COMMD1: variants seen among roughly 807,000 people sequenced by gnomAD.
The protein encoded by COMMD1 is COMM domain-containing protein 1.
Under a neutral mutation model 17.2 loss-of-function variants are expected in COMMD1, and 10 were observed. The observed-to-expected ratio is 0.58, with a 90% CI of 0.36 to 0.99. The LOEUF is 0.99. Ranked by LOEUF, COMMD1 falls within the 50% of genes least tolerant of loss-of-function variation. The probability of loss-of-function intolerance (pLI) is 0.01; values close to 1 mark genes in which losing one functional copy is unlikely to be tolerated. For missense variants in COMMD1, 270 were observed against 231.8 expected (o/e 1.17, Z -1.07); for synonymous variants, 97 against 91.6 (o/e 1.06, Z -0.34).
intron 2 of COMMD1, among the ~76,000 whole-genome samples, chr2:62,093,939 C>T (rs561352076): frequency 6.6e-6 from 1 of 152,332 alleles, no homozygotes. Context: ...ATTCAGCCAT[C>T]TGGGCTGGTT....
At chr2:61,993,912 G>A (rs1668671035) in intron 1 of COMMD1, among the ~76,000 whole-genome samples, 1 of 152,104 alleles carries the variant, frequency 6.6e-6, no homozygotes, top group African/African-American at 2.4e-5. Context: ...TGTGAAGCAA[G>A]GTGTCAGTGG....
At chr2:62,068,104 G>T (rs1438925192) in intron 2 of COMMD1, among the ~76,000 whole-genome samples, 1 of 152,104 alleles carries the variant, frequency 6.6e-6, no homozygotes, top group Non-Finnish European at 1.5e-5. Context: ...AAATACCTAG[G>T]TCACTATAAT....
intron 1 of COMMD1, among the ~76,000 whole-genome samples, chr2:61,953,167 G>A (rs1671101992): frequency 6.6e-6 from 1 of 151,566 alleles, no homozygotes; most frequent in South Asian, 2.1e-4. Flanking sequence ...GTGCCACCAT[G>A]CCTAGCTAAG....
At chr2:62,075,804 C>G (rs1671323996) in intron 2 of COMMD1, among the ~76,000 whole-genome samples, 1 of 152,202 alleles carries the variant, frequency 6.6e-6, no homozygotes, top group South Asian at 2.1e-4. Flanking sequence ...TCAATAAATG[C>G]TAACTGACAT....
chr2:62,024,149 C>G (rs555622125), intron 2 of COMMD1, among the ~76,000 whole-genome samples: 223 of 152,062 alleles, frequency 1.5e-3, no homozygotes, highest in Non-Finnish European at 2.2e-3. Flanking sequence ...GGAAAAAGTA[C>G]CAAAAGAAAA....
chr2:62,073,106 A>G (rs1408622496), intron 2 of COMMD1, among the ~76,000 whole-genome samples: 1 of 152,234 alleles, frequency 6.6e-6, no homozygotes, highest in African/African-American at 2.4e-5. Flanking sequence ...ACCCAGCAGC[A>G]CAGACAGGAA....
At chr2:62,083,395 C>T (rs1289711432) in intron 2 of COMMD1, among the ~76,000 whole-genome samples, 1 of 152,166 alleles carries the variant, frequency 6.6e-6, no homozygotes, top group Non-Finnish European at 1.5e-5. Flanking sequence ...ATGAATGAGC[C>T]TCTCTATATT....
At chr2:62,051,807 T>C (rs538893320) in intron 2 of COMMD1, among the ~76,000 whole-genome samples, 1 of 152,356 alleles carries the variant, frequency 6.6e-6, no homozygotes, top group East Asian at 1.9e-4. Context: ...ATGTTAATGG[T>C]TTAGTAAGCT....
intron 1 of COMMD1, among the ~76,000 whole-genome samples, chr2:61,937,963 C>A (rs1018944067): frequency 6.6e-6 from 1 of 152,072 alleles, no homozygotes; most frequent in South Asian, 2.1e-4. Context: ...CACTCTCATG[C>A]GACAGTCCCT....
At chr2:62,047,537 C>T (rs1237564802) in intron 2 of COMMD1, among the ~76,000 whole-genome samples, 1 of 151,778 alleles carries the variant, frequency 6.6e-6, no homozygotes, top group Non-Finnish European at 1.5e-5. Context: ...TCACTGCAAC[C>T]TCCGCCTCCT....
At chr2:61,907,857 ATTTTT>A (rs1357489073) in intron 1 of COMMD1, among the ~76,000 whole-genome samples, 1 of 151,788 alleles carries the variant, frequency 6.6e-6, no homozygotes, top group African/African-American at 2.4e-5. Context: ...CGCCTGACTA[ATTTTT>A]TTATTTTTAG....
chr2:62,126,195 A>G (rs1672883046), intron 2 of COMMD1, among the ~76,000 whole-genome samples: 1 of 152,104 alleles, frequency 6.6e-6, no homozygotes, highest in Admixed American at 6.6e-5. Context: ...GGTTGATTCC[A>G]TGTCTTTGCT....
At chr2:61,947,486 C>A (rs1041091040) in intron 1 of COMMD1, among the ~76,000 whole-genome samples, 1 of 151,902 alleles carries the variant, frequency 6.6e-6, no homozygotes. Flanking sequence ...GAGTTTGAGA[C>A]CAGCCTGGCC....
At chr2:61,908,803 G>A (rs1303572305) in intron 1 of COMMD1, among the ~76,000 whole-genome samples, 1 of 146,492 alleles carries the variant, frequency 6.8e-6, no homozygotes, top group Non-Finnish European at 1.5e-5. Context: ...TCCTGACCTC[G>A]TGAGCCACCT....
chr2:62,036,139 T>C (rs946967031), intron 2 of COMMD1, among the ~76,000 whole-genome samples: 2 of 151,970 alleles, frequency 1.3e-5, no homozygotes, highest in Non-Finnish European at 2.9e-5. Flanking sequence ...TTTTTCTTCT[T>C]GAGACAACAA....
intron 2 of COMMD1, among the ~76,000 whole-genome samples, chr2:62,066,807 C>T (rs1671061567): frequency 6.6e-6 from 1 of 151,840 alleles, no homozygotes; most frequent in Non-Finnish European, 1.5e-5. Context: ...CTCACTGCAA[C>T]CTCCACCTCC....
At chr2:62,068,052 T>A (rs1671102645) in intron 2 of COMMD1, among the ~76,000 whole-genome samples, 1 of 152,202 alleles carries the variant, frequency 6.6e-6, no homozygotes, top group African/African-American at 2.4e-5. Flanking sequence ...AGCCACCAGA[T>A]AAAGCCATTC....
intron 1 of COMMD1, among the ~76,000 whole-genome samples, chr2:61,932,507 T>C (rs1179748784): frequency 6.6e-6 from 1 of 152,204 alleles, no homozygotes; most frequent in African/African-American, 2.4e-5. Context: ...TGACACTATG[T>C]CTAAGGAGTG....
chr2:62,012,382 C>T (rs971718046), intron 2 of COMMD1, among the ~76,000 whole-genome samples: 1 of 146,872 alleles, frequency 6.8e-6, no homozygotes, highest in African/African-American at 2.5e-5. Flanking sequence ...GGCTGGAGTG[C>T]AGTGGCTCTC....
Sources: gnomAD v4.1 joint callset for allele counts (sites outside exome capture counted in the v4.1 genomes callset) on GRCh38, gnomAD v4.1.1 for gene constraint, MANE v1.5 for transcripts, NCBI Gene and HGNC (gene_info 2026-07-23, HGNC 2026-07-21) for gene names.